PLXNA2: variants seen among roughly 807,000 people sequenced by gnomAD.
PLXNA2 encodes plexin A2, also known as plexin-A2.
In PLXNA2, 91 loss-of-function variants were observed where a neutral mutation model predicts 193.5. The observed-to-expected ratio is 0.47, with a 90% CI of 0.40 to 0.56. The LOEUF (loss-of-function observed/expected upper bound fraction) is 0.56, where lower values mean the gene tolerates loss of function less well. PLXNA2 is among the 20% of genes least tolerant of loss of function. The pLI is 0.00. For missense variants in PLXNA2, 1,995 were observed against 2,503.2 expected (o/e 0.80, Z 4.33); for synonymous variants, 997 against 1,027.3 (o/e 0.97, Z 0.56).
At chr1:208,183,191 G>A (rs998723764) in intron 3 of PLXNA2, among the ~76,000 whole-genome samples, 2 of 152,196 alleles carry the variant, frequency 1.3e-5, no homozygotes. Flanking sequence ...ATGGAGGGTG[G>A]GGGCACAAGA....
chr1:208,035,592 A>G (rs1235300915), intron 26 of PLXNA2, among the ~76,000 whole-genome samples: 1 of 152,214 alleles, frequency 6.6e-6, no homozygotes, highest in Non-Finnish European at 1.5e-5. Context: ...TCCAGTAAAA[A>G]CAGAGAATCC....
chr1:208,222,517 G>C (rs546947130), intron 1 of PLXNA2, among the ~76,000 whole-genome samples: 25 of 152,290 alleles, frequency 1.6e-4, no homozygotes, highest in African/African-American at 6.0e-4. Context: ...TTTATGTGGA[G>C]GGCCCGATGA....
Position 208,028,016 on chromosome 1 carries a change from C to A in PLXNA2, c.5582G>T (p.Ser1861Ile). 6.3e-7 allele frequency: 1 copy of A among 1,599,416 alleles called. No individual in the cohort carries two copies. The highest frequency in any genetic ancestry group is 8.5e-7 in the Non-Finnish European group (1 of 1,172,284). ...GCTGGGGCCCTGTCTCACCTCCTCACTATACTTGCTGACATAGGAGTAGAT... is the reference window on the plus strand; with the variant it reads ...GCTGGGGCCCTGTCTCACCTCCTCAATATACTTGCTGACATAGGAGTAGAT... ...NEIYSYVSKY[S>I]EELIGALEQD... Residue 1861 changes from serine to isoleucine, a missense_variant, in exon 31 of 32, where the codon AGT (serine) becomes ATT (isoleucine). Around this residue, in one of 3 missense-constraint regions of PLXNA2, gnomAD observed 1,291 missense variants for 1,673.6 expected, o/e 0.77. Coordinates refer to ENST00000367033, the MANE Select transcript of PLXNA2 (RefSeq NM_025179.4). The surrounding 1 kb of genome is among the most constrained non-coding windows in gnomAD (Gnocchi z 4.2).
At chr1:208,203,234 C>G (rs374033309) in intron 3 of PLXNA2, among the ~76,000 whole-genome samples, 3 of 152,182 alleles carry the variant, frequency 2.0e-5, no homozygotes, top group African/African-American at 7.2e-5. Flanking sequence ...AGCTTGGCGG[C>G]GGGAGCCCGG....
intron 3 of PLXNA2, among the ~76,000 whole-genome samples, chr1:208,202,588 C>G (rs1318232209): frequency 6.6e-6 from 1 of 152,122 alleles, no homozygotes; most frequent in African/African-American, 2.4e-5. Context: ...CCTTCCGACT[C>G]AGAGATCCAG....
At chr1:208,220,924 A>G (rs1418518932) in intron 1 of PLXNA2, among the ~76,000 whole-genome samples, 1 of 152,190 alleles carries the variant, frequency 6.6e-6, no homozygotes, top group Non-Finnish European at 1.5e-5. Flanking sequence ...AGCATGTGGC[A>G]AGGGGAAAGA....
intron 3 of PLXNA2, among the ~76,000 whole-genome samples, chr1:208,172,354 G>A (rs1480279105): frequency 6.6e-6 from 1 of 152,052 alleles, no homozygotes; most frequent in Admixed American, 6.5e-5. Flanking sequence ...TAAAAAGTGT[G>A]TTCTGTTCTT....
intron 11 of PLXNA2, among the ~76,000 whole-genome samples, chr1:208,080,908 C>A (rs1380264873): frequency 6.6e-6 from 1 of 152,208 alleles, no homozygotes; most frequent in Non-Finnish European, 1.5e-5. Context: ...GTGAACCCCA[C>A]TTTGCTGGAT....
intron 12 of PLXNA2, 68 bp downstream of exon 12, chr1:208,079,192 T>A: frequency 1.5e-6 from 2 of 1,358,698 alleles, no homozygotes; most frequent in South Asian, 2.7e-5. Flanking sequence ...CAATTTGCAC[T>A]CCTCTCCCAC....
chr1:208,153,576 G>A (rs1269401958), intron 3 of PLXNA2, among the ~76,000 whole-genome samples: 2 of 152,190 alleles, frequency 1.3e-5, no homozygotes. Flanking sequence ...CTCTTAGGAG[G>A]AAAGTAGTAT....
At chr1:208,155,599 C>CA (rs1490568575) in intron 3 of PLXNA2, among the ~76,000 whole-genome samples, 1 of 152,208 alleles carries the variant, frequency 6.6e-6, no homozygotes, top group Non-Finnish European at 1.5e-5. Flanking sequence ...TGGAAAGTAC[C>CA]AGAGAAACTG....
At position 208,085,940 on chromosome 1, in the gene PLXNA2, C is replaced by A. The variant is rs576278671; in HGVS notation, c.2098-1360G>T. 2.8e-3 allele frequency among the ~76,000 whole-genome samples: 423 copies of A among 152,288 alleles called. 3 individuals carry two copies. The highest frequency in any genetic ancestry group is 5.2e-3 in the Non-Finnish European group (353 of 68,020). On this transcript the variant is annotated intron_variant, in intron 9 of 31. Coordinates refer to ENST00000367033, the MANE Select transcript of PLXNA2 (RefSeq NM_025179.4). ...CTTCAGCCCCTCTTTTAGTTGATTA[C>A]CTCTTCTTTTACTTTTTTGGTTTTT...
chr1:208,096,178 G>C, intron 7 of PLXNA2, 53 bp from the exon 8 acceptor site: 5 of 1,314,862 alleles, frequency 3.8e-6, no homozygotes, highest in Non-Finnish European at 5.5e-6. Context: ...GGGGGACCCA[G>C]TGGACAGCCA....
chr1:208,184,979 T>C (rs1314343294), intron 3 of PLXNA2, among the ~76,000 whole-genome samples: 4 of 152,150 alleles, frequency 2.6e-5, no homozygotes, highest in Non-Finnish European at 5.9e-5. Flanking sequence ...AAAAATGAAT[T>C]TGGGGCCATT....
chr1:208,061,084 A>G (rs1665605386), intron 12 of PLXNA2, among the ~76,000 whole-genome samples: 1 of 152,208 alleles, frequency 6.6e-6, no homozygotes, highest in Non-Finnish European at 1.5e-5. Context: ...TATTTAAAAA[A>G]TTATCAGAAA....
rs144536041 is a variant in PLXNA2, at chr1:208,043,642, G to A, written c.3875-439C>T. 1.8e-4 allele frequency among the ~76,000 whole-genome samples: 27 copies of A among 152,294 alleles called. 1 individual carries two copies. Among genetic ancestry groups the A allele is most frequent in the Middle Eastern group, 3.4e-3 (1 of 294 alleles). ...CCTAGGGGAGGTCTGGTCATGAGAC[G>A]CTCAGCTGAGAGCCGAGTTTGGGAA... is the stretch of plus-strand genomic sequence containing the variant. On this transcript the variant is annotated intron_variant, in intron 20 of 31. Coordinates refer to ENST00000367033, the MANE Select transcript of PLXNA2 (RefSeq NM_025179.4).
rs552981594 is a variant in PLXNA2 at position 208,079,652 on chromosome 1, T to C, written c.2396-202A>G. On this transcript the variant is annotated intron_variant, in intron 11 of 31. Coordinates refer to ENST00000367033, the MANE Select transcript of PLXNA2 (RefSeq NM_025179.4). Reference sequence around the variant, plus strand: ...CACTTAAGGGCACTAGGAAGAATAATATTATTTAAGAATTCTGGCTCTAGA... The same window carrying C: ...CACTTAAGGGCACTAGGAAGAATAACATTATTTAAGAATTCTGGCTCTAGA... 1.5e-4 allele frequency among the ~76,000 whole-genome samples: 23 copies of C among 152,336 alleles called. 1 individual carries two copies. The highest frequency in any genetic ancestry group is 4.3e-4 in the African/African-American group (18 of 41,576).
intron 4 of PLXNA2, among the ~76,000 whole-genome samples, chr1:208,127,280 C>CACAT (rs1316731683): frequency 6.6e-6 from 1 of 151,962 alleles, no homozygotes; most frequent in African/African-American, 2.4e-5. Context: ...CATGTACACA[C>CACAT]ACATACATAC....
chr1:208,194,946 A>G (rs2102571643), intron 3 of PLXNA2, among the ~76,000 whole-genome samples: 1 of 152,320 alleles, frequency 6.6e-6, no homozygotes, highest in South Asian at 2.1e-4. Context: ...TGGTATAAAT[A>G]CATATCACCA....
Sources: gnomAD v4.1 joint callset for allele counts (sites outside exome capture counted in the v4.1 genomes callset) on GRCh38, gnomAD v4.1.1 for gene constraint, gnomAD v4.1.1 regional missense constraint, Gnocchi (gnomAD v3.1) non-coding constraint, MANE v1.5 for transcripts, NCBI Gene and HGNC (gene_info 2026-07-23, HGNC 2026-07-21) for gene names.